The following LINGO2 variants were observed in gnomAD, a reference collection of about 807,000 sequenced individuals.
The protein encoded by LINGO2 is leucine-rich repeat and immunoglobulin-like domain-containing nogo receptor-interacting protein 2.
LINGO2 carries 14 observed loss-of-function variants against 30.6 expected under a neutral mutation model. The observed-to-expected ratio is 0.46, with a 90% CI of 0.30 to 0.72. The LOEUF is 0.72. Ranked by LOEUF, LINGO2 falls within the 30% of genes least tolerant of loss-of-function variation. LINGO2 has a pLI of 0.07. For missense variants in LINGO2, 729 were observed against 751.7 expected (o/e 0.97, Z 0.35); for synonymous variants, 317 against 288.5 (o/e 1.10, Z -1.00).
intron 4 of LINGO2, among the ~76,000 whole-genome samples, chr9:28,025,160 T>C (rs1037882537): frequency 6.6e-6 from 1 of 152,154 alleles, no homozygotes; most frequent in Non-Finnish European, 1.5e-5. Context: ...GCTCCTACCC[T>C]TTTTTCCCCT....
At chr9:28,643,263 A>G (rs894796510) in intron 1 of LINGO2, among the ~76,000 whole-genome samples, 1 of 152,048 alleles carries the variant, frequency 6.6e-6, no homozygotes, top group Non-Finnish European at 1.5e-5. Flanking sequence ...AAAACAGGAA[A>G]AATCACATGA....
At chr9:27,984,748 C>A (rs1271476797) in intron 5 of LINGO2, among the ~76,000 whole-genome samples, 1 of 151,756 alleles carries the variant, frequency 6.6e-6, no homozygotes, top group East Asian at 1.9e-4. Flanking sequence ...TTGGCTTTTA[C>A]TGAGATCATG....
At chr9:28,652,668 G>A (rs1828156127) in intron 1 of LINGO2, among the ~76,000 whole-genome samples, 2 of 151,452 alleles carry the variant, frequency 1.3e-5, no homozygotes, top group South Asian at 2.1e-4. Context: ...AGTGAGTTTG[G>A]TGTTTCCTTC....
At chr9:28,530,223 G>A (rs956719791) in intron 1 of LINGO2, among the ~76,000 whole-genome samples, 2 of 151,948 alleles carry the variant, frequency 1.3e-5, no homozygotes, top group Admixed American at 6.6e-5. Flanking sequence ...ATAGCACGAT[G>A]ATGGTGATGA....
the LINGO2 span, among the ~76,000 whole-genome samples, chr9:28,754,802 T>G: frequency 1.8e-4 from 27 of 151,954 alleles, 1 homozygote; most frequent in South Asian, 6.2e-4. Context: ...GGCTAATTTT[T>G]TTGTATTTTT....
chr9:27,996,766 A>G (rs999986009), intron 5 of LINGO2, among the ~76,000 whole-genome samples: 7 of 152,204 alleles, frequency 4.6e-5, no homozygotes, highest in African/African-American at 1.7e-4. Context: ...GCAACATTCC[A>G]CACACAAAGA....
At chr9:28,852,132 T>C in the LINGO2 span, among the ~76,000 whole-genome samples, 7 of 151,970 alleles carry the variant, frequency 4.6e-5, no homozygotes, top group Non-Finnish European at 1.0e-4. Context: ...GCTGGATCCA[T>C]TTTATTTGTT....
chr9:29,073,197 T>C, the LINGO2 span, among the ~76,000 whole-genome samples: 1 of 152,152 alleles, frequency 6.6e-6, no homozygotes, highest in South Asian at 2.1e-4. Flanking sequence ...CATACATATC[T>C]CCATGCTCTT....
At chr9:28,050,366 A>G (rs562618147) in intron 4 of LINGO2, among the ~76,000 whole-genome samples, 1 of 150,908 alleles carries the variant, frequency 6.6e-6, no homozygotes, top group African/African-American at 2.4e-5. Context: ...TGGAGTCTTG[A>G]CAGCAAAATA....
intron 5 of LINGO2, among the ~76,000 whole-genome samples, chr9:28,001,638 A>C (rs1409335270): frequency 6.6e-6 from 1 of 152,172 alleles, no homozygotes; most frequent in Non-Finnish European, 1.5e-5. Flanking sequence ...TGTTCCGGGG[A>C]AAAGATAGGA....
chr9:28,964,924 AC>A, the LINGO2 span, among the ~76,000 whole-genome samples: 102 of 152,072 alleles, frequency 6.7e-4, no homozygotes, highest in Non-Finnish European at 1.3e-3. Flanking sequence ...CAGTTTCAGA[AC>A]TTTTACTTCT....
chr9:28,097,198 G>A (rs528525375), intron 4 of LINGO2, among the ~76,000 whole-genome samples: 46 of 152,120 alleles, frequency 3.0e-4, no homozygotes, highest in African/African-American at 9.2e-4. Context: ...GGTGCTGGAG[G>A]GGATGTGGAG....
At chr9:28,332,055 G>A (rs959727856) in intron 3 of LINGO2, among the ~76,000 whole-genome samples, 5 of 152,066 alleles carry the variant, frequency 3.3e-5, no homozygotes, top group Admixed American at 2.0e-4. Flanking sequence ...ATAAACTTAC[G>A]TTAACCTGAT....
chr9:28,766,165 A>G, the LINGO2 span, among the ~76,000 whole-genome samples: 2 of 152,050 alleles, frequency 1.3e-5, no homozygotes, highest in Non-Finnish European at 2.9e-5. Context: ...GCTGCCTACT[A>G]TTTGGGAGAA....
intron 3 of LINGO2, among the ~76,000 whole-genome samples, chr9:28,325,173 G>C (rs13299759): frequency 0.15 from 23,222 of 151,476 alleles, 2,378 homozygotes; most frequent in Non-Finnish European, 0.22. Flanking sequence ...GTTTGTTCCT[G>C]ATTATAGGCC....
At chr9:28,224,283 C>T (rs1049297119) in intron 4 of LINGO2, among the ~76,000 whole-genome samples, 3 of 152,172 alleles carry the variant, frequency 2.0e-5, no homozygotes, top group Admixed American at 2.0e-4. Context: ...CCAGGATGGT[C>T]TCGATCTCCT....
chr9:28,090,918 T>C (rs1044661748), intron 4 of LINGO2, among the ~76,000 whole-genome samples: 7 of 151,960 alleles, frequency 4.6e-5, no homozygotes, highest in African/African-American at 1.5e-4. Flanking sequence ...TATACACCAA[T>C]AACAGACAAA....
At chr9:28,579,185 T>C (rs951139162) in intron 1 of LINGO2, among the ~76,000 whole-genome samples, 2 of 152,036 alleles carry the variant, frequency 1.3e-5, no homozygotes, top group African/African-American at 2.4e-5. Flanking sequence ...AAGGTGAGAA[T>C]CCTGAGAATT....
At chr9:28,481,053 A>C (rs1825943553) in intron 1 of LINGO2, among the ~76,000 whole-genome samples, 1 of 147,546 alleles carries the variant, frequency 6.8e-6, no homozygotes, top group Admixed American at 7.0e-5. Context: ...AAGATTTCTC[A>C]AGCTCCCCTG....
Sources: allele counts gnomAD v4.1 joint callset (sites outside exome capture counted in the v4.1 genomes callset), GRCh38; gene constraint gnomAD v4.1.1; transcripts MANE v1.5; gene names NCBI Gene and HGNC (gene_info 2026-07-23, HGNC 2026-07-21).